MN1: variants seen among roughly 807,000 people sequenced by gnomAD.
MN1 encodes the protein transcriptional activator MN1.
In MN1, 19 loss-of-function variants were observed where a neutral mutation model predicts 86.9. The observed-to-expected ratio is 0.22, with a 90% CI of 0.15 to 0.32. MN1 has a LOEUF of 0.32. Among genes scored for constraint, MN1 ranks in the 10% least tolerant of loss-of-function variants. MN1 has a pLI of 1.00. For synonymous variants in MN1, 928 were observed against 849.6 expected (o/e 1.09, Z -1.60); for missense variants, 1,841 against 1,862.0 (o/e 0.99, Z 0.21).
At position 27,801,745 on chromosome 22, in the gene MN1, A is replaced by G. The variant is rs1933448789; in HGVS notation, c.-1202T>C. On this transcript the variant is annotated 5_prime_UTR_variant, in exon 1 of 2. Transcript: ENST00000302326. Reference sequence around the variant, plus strand: ...TGTCTGCCTCTCGCCCAGCGCCGGGAGAAGCAGCAACAAGTTTTGCATTTC... The same window carrying G: ...TGTCTGCCTCTCGCCCAGCGCCGGGGGAAGCAGCAACAAGTTTTGCATTTC... Among the ~76,000 whole-genome samples, 1 of 152,190 alleles carries G rather than the reference A, an allele frequency of 6.6e-6. No individual in the cohort carries two copies.
chr22:27,786,337 T>G (rs2146309566), intron 1 of MN1, among the ~76,000 whole-genome samples: 1 of 152,310 alleles, frequency 6.6e-6, no homozygotes, highest in African/African-American at 2.4e-5. Flanking sequence ...CTGAGGGCTG[T>G]TTTGCTTTGT....
Position 27,798,144 on chromosome 22 carries a change from A to C in MN1, c.2400T>G (p.Ser800Arg). 6.3e-7 allele frequency: 1 copy of C among 1,599,522 alleles called. No homozygotes were observed. The highest frequency in any genetic ancestry group is 8.5e-7 in the Non-Finnish European group (1 of 1,176,212). Residue 800 changes from serine (S) to arginine (R), a missense_variant, in exon 1 of 2, where the codon AGT (serine) becomes AGG (arginine). Ser to Arg is a moderately radical substitution (Grantham distance 110). Transcript: ENST00000302326. ...DFQPSQRTSA[S>R]KLGALSLGSF... is the part of the protein sequence containing the mutation. Reference sequence around the variant, plus strand: ...AGCCCAGCGAGAGCGCGCCCAATTTACTGGCCGAGGTGCGCTGGCTGGGCT... The same window carrying C: ...AGCCCAGCGAGAGCGCGCCCAATTTCCTGGCCGAGGTGCGCTGGCTGGGCT...
In MN1 at chr22:27,800,532, C is replaced by T. The variant is rs761854299; in HGVS notation, c.12G>A (p.Leu4=). The change falls in exon 1 of 2, where the codon CTG becomes CTA. Residue 4 remains leucine, a synonymous_variant. Coordinates refer to ENST00000302326, the MANE Select transcript of MN1 (RefSeq NM_002430.3). MFG[L]DQFEPQVNSR... is the part of the protein sequence containing the mutation. Reference sequence around the variant, plus strand: ...TGTTGACCTGGGGCTCGAATTGGTCCAGCCCAAACATACTTGGCGGGGGGC... The same window carrying T: ...TGTTGACCTGGGGCTCGAATTGGTCTAGCCCAAACATACTTGGCGGGGGGC... The T allele has an allele frequency of 1.1e-5, 17 of 1,614,042 alleles. No homozygotes were observed. Among genetic ancestry groups the T allele is most frequent in the Non-Finnish European group, 1.4e-5 (17 of 1,180,042 alleles).
chr22:27,783,234 A>G (rs1460934080), intron 1 of MN1, among the ~76,000 whole-genome samples: 2 of 151,280 alleles, frequency 1.3e-5, no homozygotes, highest in African/African-American at 4.9e-5. Context: ...TCCAGAGTTC[A>G]AGCAATTCTC....
chr22:27,781,012 C>T (rs1381851533), intron 1 of MN1, among the ~76,000 whole-genome samples: 1 of 152,130 alleles, frequency 6.6e-6, no homozygotes, highest in Non-Finnish European at 1.5e-5. Flanking sequence ...CTGACTGCAG[C>T]CTCAACCTCC....
intron 1 of MN1, among the ~76,000 whole-genome samples, chr22:27,753,404 G>A (rs1265637941): frequency 6.6e-6 from 1 of 152,184 alleles, no homozygotes; most frequent in East Asian, 1.9e-4. Flanking sequence ...GGGTGAAATG[G>A]GGATGATGTC....
At chr22:27,775,199 G>A (rs1932961488) in intron 1 of MN1, among the ~76,000 whole-genome samples, 1 of 152,226 alleles carries the variant, frequency 6.6e-6, no homozygotes. Flanking sequence ...GCGGCTGGAG[G>A]GTGCTGTGGG....
chr22:27,750,836 G>A lies in MN1; in HGVS notation c.*79C>T, dbSNP rs956645390. 31 of 1,280,800 alleles carry A rather than the reference G, an allele frequency of 2.4e-5. No homozygotes were observed. The South Asian group carries it at 4.3e-4, about 18-fold the overall frequency. 79.3% of individuals were successfully genotyped at this position (1,280,800 alleles called of 1,614,324 possible). A position where few individuals can be genotyped will look rare whatever the true frequency, so the allele number is the denominator to read the frequency against. Reference sequence around the variant, plus strand: ...AGTGGCCCTTTCAAATTAACAGAGGGGTGGGGTAAGGTTGAGGGGGAAGGA... The same window carrying A: ...AGTGGCCCTTTCAAATTAACAGAGGAGTGGGGTAAGGTTGAGGGGGAAGGA... On this transcript the variant is annotated 3_prime_UTR_variant, in exon 2 of 2. Coordinates refer to ENST00000302326, the MANE Select transcript of MN1 (RefSeq NM_002430.3).
Position 27,797,338 on chromosome 22 carries a change from A to C in MN1, c.3206T>G (p.Leu1069Arg). 1.2e-6 allele frequency: 2 copies of C among 1,606,836 alleles called. No individual in the cohort carries two copies. Among genetic ancestry groups the C allele is most frequent in the Non-Finnish European group, 1.7e-6 (2 of 1,179,864 alleles). Residue 1069 changes from leucine to arginine, a missense_variant, in exon 1 of 2, where the codon CTA becomes CGA. Physicochemically the swap from Leu to Arg is moderately radical, Grantham distance 102. Coordinates refer to ENST00000302326, the MANE Select transcript of MN1 (RefSeq NM_002430.3). ...CAGGGGACTCCTGCTCGCTTTAACT[A>C]GTGCCTGGGGGTTGTCAGAGCTGGA... The part of the protein sequence containing the change: ...VSSSSDNPQA[L>R]VKASRSPLVT...
chr22:27,769,241 C>T (rs1358241108), intron 1 of MN1, among the ~76,000 whole-genome samples: 1 of 152,166 alleles, frequency 6.6e-6, no homozygotes, highest in Admixed American at 6.5e-5. Context: ...TGACACAATG[C>T]TGCAGGTAGC....
intron 1 of MN1, among the ~76,000 whole-genome samples, chr22:27,782,811 T>C (rs1229518636): frequency 2.0e-5 from 3 of 152,214 alleles, no homozygotes; most frequent in Non-Finnish European, 4.4e-5. Context: ...GTGCCCTTAG[T>C]CACATAATTA....
chr22:27,800,049 G>A lies in MN1; in HGVS notation c.495C>T (p.Phe165=). The change falls in exon 1 of 2, where the codon TTC becomes TTT. Residue 165 remains phenylalanine, a synonymous_variant. Coordinates refer to ENST00000302326, the MANE Select transcript of MN1 (RefSeq NM_002430.3). The part of the protein sequence containing the change: ...HMAESQGPES[F]GPQRPGNLPD... ...GGAGGTTCCCCGGTCGCTGCGGGCC[G>A]AAGCTCTCAGGCCCCTGGCTCTCCG... 1 of 1,601,530 alleles carries A rather than the reference G, an allele frequency of 6.2e-7. No individual in the cohort carries two copies. Among genetic ancestry groups the A allele is most frequent in the Non-Finnish European group, 8.5e-7 (1 of 1,179,136 alleles).
chr22:27,779,996 C>A (rs1254430866), intron 1 of MN1, among the ~76,000 whole-genome samples: 2 of 152,168 alleles, frequency 1.3e-5, no homozygotes, highest in African/African-American at 4.8e-5. Context: ...GACCCCAGCA[C>A]CCTGTCCTAG....
chr22:27,799,836 C>A lies in MN1; in HGVS notation c.708G>T (p.Pro236=). Residue 236 remains proline, a synonymous_variant, in exon 1 of 2, where the codon CCG becomes CCT. Coordinates refer to ENST00000302326, the MANE Select transcript of MN1 (RefSeq NM_002430.3). ...GAVDSLEYNY[P]GEAPSGHFDM... is the part of the protein sequence containing the mutation. Reference sequence around the variant, plus strand: ...CAAAATGTCCCGAGGGCGCCTCGCCCGGGTAATTGTATTCCAGCGAGTCGA... The same window carrying A: ...CAAAATGTCCCGAGGGCGCCTCGCCAGGGTAATTGTATTCCAGCGAGTCGA... 2 of 1,598,242 alleles carry A rather than the reference C, an allele frequency of 1.3e-6. No individual in the cohort carries two copies. Among genetic ancestry groups the A allele is most frequent in the South Asian group, 1.1e-5 (1 of 89,150 alleles).
At chr22:27,779,433 A>C (rs951833765) in intron 1 of MN1, among the ~76,000 whole-genome samples, 7 of 152,176 alleles carry the variant, frequency 4.6e-5, no homozygotes, top group African/African-American at 1.4e-4. Context: ...GGAAGACCTA[A>C]ACAGCCAACG....
intron 1 of MN1, among the ~76,000 whole-genome samples, chr22:27,779,739 G>T (rs1933026127): frequency 6.6e-6 from 1 of 152,174 alleles, no homozygotes; most frequent in African/African-American, 2.4e-5. Flanking sequence ...AAGAAAAGCT[G>T]CCAGAAAGTG....
Position 27,798,626 on chromosome 22 carries a change from C to T in MN1, c.1918G>A (p.Gly640Arg), listed in dbSNP as rs759194922. The change falls in exon 1 of 2, where the codon GGA becomes AGA. Residue 640 changes from glycine (G) to arginine (R), a missense_variant. By Grantham distance (125) the Gly-to-Arg change is moderately radical. Transcript: ENST00000302326. ...CCCATCCTACGGGGCAGCAGGTCTC[C>T]GGGCGGCGGATGCGGACCTGAGAAC... The part of the protein sequence containing the change: ...AWFSGPHPPP[G>R]DLLPRRMGGS... 6 of 1,561,636 alleles carry T rather than the reference C, an allele frequency of 3.8e-6. No homozygotes were observed. Among genetic ancestry groups the T allele is most frequent in the South Asian group, 1.2e-5 (1 of 85,766 alleles).
intron 1 of MN1, among the ~76,000 whole-genome samples, chr22:27,753,857 C>T (rs1308442931): frequency 2.0e-5 from 3 of 152,192 alleles, no homozygotes; most frequent in African/African-American, 7.2e-5. Context: ...GACCCCTCCA[C>T]CCTACCCTGC....
chr22:27,785,013 A>G (rs1184672456), intron 1 of MN1, among the ~76,000 whole-genome samples: 1 of 151,434 alleles, frequency 6.6e-6, no homozygotes, highest in African/African-American at 2.4e-5. Flanking sequence ...GATTGCAACT[A>G]TTTGATCGCC....
Sources: allele counts gnomAD v4.1 joint callset (sites outside exome capture counted in the v4.1 genomes callset), GRCh38; gene constraint gnomAD v4.1.1; transcripts MANE v1.5; gene names NCBI Gene and HGNC (gene_info 2026-07-23, HGNC 2026-07-21).